Variants in CFAP52 observed in about 807,000 individuals in gnomAD.
CFAP52 encodes cilia- and flagella-associated protein 52.
CFAP52 carries 57 observed loss-of-function variants against 70.5 expected under a neutral mutation model. The ratio of observed to expected loss-of-function variants is 0.81; its 90% CI spans 0.65 to 1.01. The LOEUF (loss-of-function observed/expected upper bound fraction) is 1.01, where lower values mean the gene tolerates loss of function less well. Ranked by LOEUF, CFAP52 falls within the 50% of genes least tolerant of loss-of-function variation. CFAP52 has a pLI of 0.00. For synonymous variants in CFAP52, 267 were observed against 292.5 expected, an observed-to-expected ratio of 0.91 and a Z score of 0.89; for missense variants, 785 against 788.5, an observed-to-expected ratio of 1.00 and a Z score of 0.05.
chr17:9,587,969 C>T (rs1908569727), intron 3 of CFAP52, among the ~76,000 whole-genome samples: 1 of 152,152 alleles, frequency 6.6e-6, no homozygotes, highest in South Asian at 2.1e-4. Flanking sequence ...TTTAGGGAAT[C>T]ACTGGTGCCT....
intron 8 of CFAP52, among the ~76,000 whole-genome samples, chr17:9,625,279 A>G (rs952571693): frequency 7.2e-5 from 11 of 151,964 alleles, no homozygotes; most frequent in Admixed American, 1.3e-4. Flanking sequence ...CCATACATAT[A>G]TAATTTAGCT....
At chr17:9,605,197 G>A (rs935601227) in intron 6 of CFAP52, among the ~76,000 whole-genome samples, 2 of 152,168 alleles carry the variant, frequency 1.3e-5, no homozygotes, top group Admixed American at 1.3e-4. Context: ...CAACCAAGAT[G>A]TCCTTCAGTA....
intron 6 of CFAP52, among the ~76,000 whole-genome samples, chr17:9,606,870 T>C (rs1909514011): frequency 6.6e-6 from 1 of 152,218 alleles, no homozygotes; most frequent in Admixed American, 6.5e-5. Context: ...CATGTAATTC[T>C]GGTCCTTGCC....
chr17:9,640,755 T>A (rs1911015348), intron 12 of CFAP52, among the ~76,000 whole-genome samples: 1 of 152,140 alleles, frequency 6.6e-6, no homozygotes, highest in Non-Finnish European at 1.5e-5. Flanking sequence ...GTGATTCTCA[T>A]GCCTCACCCT....
At chr17:9,594,422 T>G in intron 4 of CFAP52, 101 bp downstream of exon 4, 1 of 1,427,542 alleles carries the variant, frequency 7.0e-7, no homozygotes, top group Non-Finnish European at 9.4e-7. Context: ...TCTTTAGTCC[T>G]GGATAAATAC....
rs146544451 is a variant in CFAP52 at position 9,585,858 on chromosome 17, A to G, written c.156A>G (p.Ile52Met). 6 of 1,613,936 alleles carry G rather than the reference A, an allele frequency of 3.7e-6. No homozygotes were observed. Among genetic ancestry groups the G allele is most frequent in the African/African-American group, 1.3e-5 (1 of 74,882 alleles). ...GTTGCACAGTCCTCATTCAGGCAAT[A>G]AATACTAAAGAGCAGAACTTCCTAC... is the stretch of plus-strand genomic sequence containing the variant. ...PLGCTVLIQA[I>M]NTKEQNFLQG... The change falls in exon 2 of 14, where the codon ATA (isoleucine) becomes ATG (methionine). Residue 52 changes from isoleucine to methionine, a missense_variant. Transcript: ENST00000352665.
intron 4 of CFAP52, among the ~76,000 whole-genome samples, chr17:9,596,091 ATATATATATATG>A (rs1222824795): frequency 1.4e-5 from 2 of 139,794 alleles, no homozygotes; most frequent in African/African-American, 5.4e-5. Flanking sequence ...ATATATATAT[ATATATATATATG>A]TACACATATA....
intron 12 of CFAP52, among the ~76,000 whole-genome samples, chr17:9,639,923 A>T (rs1910976854): frequency 6.6e-6 from 1 of 152,210 alleles, no homozygotes; most frequent in African/African-American, 2.4e-5. Flanking sequence ...CAGGCAGTCA[A>T]GTTCCAACTA....
chr17:9,603,231 CAG>C (rs1423416964), intron 6 of CFAP52, among the ~76,000 whole-genome samples: 1 of 152,128 alleles, frequency 6.6e-6, no homozygotes, highest in East Asian at 1.9e-4. Context: ...TTTTTTGATA[CAG>C]AGTCTCGCTC....
At chr17:9,644,191 C>T (rs1329106602), downstream of CFAP52, among the ~76,000 whole-genome samples, 3 of 152,142 alleles carry the variant, frequency 2.0e-5, no homozygotes, top group East Asian at 1.9e-4. Flanking sequence ...GGCGCGATCT[C>T]GGCTCACTGA....
chr17:9,639,602 A>C (rs1323417360), intron 12 of CFAP52, among the ~76,000 whole-genome samples: 3 of 152,162 alleles, frequency 2.0e-5, no homozygotes, highest in Non-Finnish European at 4.4e-5. Context: ...GAATTGGCTA[A>C]TACACACATG....
At chr17:9,582,207 C>A (rs1037956838) in intron 1 of CFAP52, among the ~76,000 whole-genome samples, 4 of 152,188 alleles carry the variant, frequency 2.6e-5, no homozygotes, top group African/African-American at 9.7e-5. Flanking sequence ...TGTGCGCATT[C>A]AAGCATCATC....
Position 9,628,698 on chromosome 17 carries a change from G to A in CFAP52, c.1052G>A (p.Cys351Tyr). 1 of 1,614,176 alleles carries A rather than the reference G, an allele frequency of 6.2e-7. No homozygotes were observed. Among genetic ancestry groups the A allele is most frequent in the Non-Finnish European group, 8.5e-7 (1 of 1,180,024 alleles). The stretch of plus-strand genomic sequence containing the variant: ...GGCACTGCTGAGCTATTTGCAACCT[G>A]TGCCAAGAAGGATATCAGGGTGTGG... Reference protein sequence around the residue: ...PFGTAELFATCAKKDIRVWHT... With the variant: ...PFGTAELFATYAKKDIRVWHT... The change falls in exon 9 of 14, where the codon TGT becomes TAT. Residue 351 changes from cysteine to tyrosine, a missense_variant. By Grantham distance (194) the Cys-to-Tyr change is radical. Transcript: ENST00000352665.
chr17:9,628,831 C>T lies in CFAP52; in HGVS notation c.1174+11C>T, dbSNP rs1910339154. 1.2e-6 allele frequency: 2 copies of T among 1,613,854 alleles called. No individual in the cohort carries two copies. The highest frequency in any genetic ancestry group is 1.7e-6 in the Non-Finnish European group (2 of 1,179,914). ...AAAGCATCATTTCAGGTAACGTCCA[C>T]ATGTCAAGATCTGGCTTGGGGCTCT... On this transcript the variant is annotated intron_variant, in intron 9 of 13. Transcript: ENST00000352665.
At chr17:9,578,854 G>A (rs542333105) in intron 1 of CFAP52, among the ~76,000 whole-genome samples, 2 of 152,270 alleles carry the variant, frequency 1.3e-5, no homozygotes, top group East Asian at 3.9e-4. Flanking sequence ...CCACAGGGTG[G>A]AGGGGTGCAT....
intron 1 of CFAP52, among the ~76,000 whole-genome samples, chr17:9,582,243 C>T (rs189779203): frequency 1.2e-4 from 19 of 152,268 alleles, no homozygotes; most frequent in Admixed American, 7.2e-4. Flanking sequence ...TTTTCCAAAA[C>T]GATTAGACCG....
chr17:9,595,174 T>A (rs1234664317), intron 4 of CFAP52, among the ~76,000 whole-genome samples: 1 of 152,102 alleles, frequency 6.6e-6, no homozygotes, highest in Non-Finnish European at 1.5e-5. Flanking sequence ...ATTTTAGAAA[T>A]CCTTTTTTAA....
chr17:9,594,161 C>CA lies in CFAP52; in HGVS notation c.408-32_408-31insA, dbSNP rs778800997. The stretch of plus-strand genomic sequence containing the variant: ...TTTTAAAAGCCTGTTTTCTCTTTGA[C>CA]TTTTTTTTTTTGGTCCCTCTTATTT... On this transcript the variant is annotated intron_variant, in intron 3 of 13. Transcript: ENST00000352665. The CA allele has an allele frequency of 4.3e-5, 51 of 1,184,022 alleles. No homozygotes were observed. In the African/African-American group the frequency reaches 7.7e-4, roughly 18 times the overall value. 73.3% of individuals were successfully genotyped at this position (1,184,022 alleles called of 1,614,324 possible).
chr17:9,632,387 C>CT (rs202181991), intron 9 of CFAP52, among the ~76,000 whole-genome samples: 71 of 150,760 alleles, frequency 4.7e-4, no homozygotes, highest in Middle Eastern at 3.4e-3. Flanking sequence ...AGATATAAGC[C>CT]TTTTTTTTTA....
Sources: gnomAD v4.1 joint callset for allele counts (sites outside exome capture counted in the v4.1 genomes callset) on GRCh38, gnomAD v4.1.1 for gene constraint, MANE v1.5 for transcripts, NCBI Gene and HGNC (gene_info 2026-07-23, HGNC 2026-07-21) for gene names.